Variants in CRHBP observed in about 807,000 individuals in gnomAD.
CRHBP encodes the protein corticotropin releasing hormone binding protein.
Under a neutral mutation model 34.9 loss-of-function variants are expected in CRHBP, and 19 were observed. The ratio of observed to expected loss-of-function variants is 0.55; its 90% confidence interval spans 0.38 to 0.80. The LOEUF is 0.80. Among genes scored for constraint, CRHBP ranks in the 30% least tolerant of loss-of-function variants. CRHBP has a pLI of 0.00. For missense variants in CRHBP, 328 were observed against 409.2 expected (o/e 0.80, Z 1.71); for synonymous variants, 154 against 153.4 (o/e 1.00, Z -0.03).
At chr5:76,955,261 A>G (rs1745650732) in intron 3 of CRHBP, among the ~76,000 whole-genome samples, 1 of 152,226 alleles carries the variant, frequency 6.6e-6, no homozygotes, top group Admixed American at 6.5e-5. Context: ...TTCACATTTC[A>G]ATGACTAGAG....
At chr5:76,975,842 A>ATATATATG (rs1176894871) in intron 2 of CRHBP, among the ~76,000 whole-genome samples, 7 of 100,566 alleles carry the variant, frequency 7.0e-5, no homozygotes, top group African/African-American at 3.7e-4. Flanking sequence ...ATATATATAT[A>ATATATATG]TATACACGCA....
At chr5:76,963,170 A>T in intron 5 of CRHBP, 173 bp from the exon 6 acceptor site, 1 of 579,790 alleles carries the variant, frequency 1.7e-6, no homozygotes, top group South Asian at 2.8e-5. Context: ...AATTTTTATG[A>T]TTTTTTCTCT....
chr5:76,973,511 G>T (rs993121301), downstream of CRHBP, among the ~76,000 whole-genome samples: 20 of 152,308 alleles, frequency 1.3e-4, no homozygotes, highest in African/African-American at 4.8e-4. Flanking sequence ...GATAACTCCT[G>T]CTATTGGATT....
intron 5 of CRHBP, among the ~76,000 whole-genome samples, chr5:76,960,190 G>T (rs1745754689): frequency 6.6e-6 from 1 of 152,212 alleles, no homozygotes; most frequent in African/African-American, 2.4e-5. Context: ...TGGATGGAGA[G>T]GCGCGGGGCT....
At chr5:76,954,836 A>G (rs77547936) in intron 3 of CRHBP, among the ~76,000 whole-genome samples, 5,153 of 152,322 alleles carry the variant, frequency 0.034, 291 homozygotes, top group African/African-American at 0.12. Flanking sequence ...ACAGGGCAGC[A>G]TGGGATGGCT....
At chr5:76,960,459 G>C (rs544221068) in intron 5 of CRHBP, among the ~76,000 whole-genome samples, 33 of 152,292 alleles carry the variant, frequency 2.2e-4, no homozygotes, top group Non-Finnish European at 4.1e-4. Context: ...GTAAACCACT[G>C]AAAGAGTTCA....
At chr5:76,975,825 A>AATATATATATATATATATATAT (rs1217039736) in intron 2 of CRHBP, among the ~76,000 whole-genome samples, 12 of 61,794 alleles carry the variant, frequency 1.9e-4, no homozygotes, top group East Asian at 5.2e-4. Flanking sequence ...AAAAAAAAAA[A>AATATATATATATATATATATAT]ATATATATAT....
chr5:76,975,766 T>C (rs1746014288), intron 2 of CRHBP, among the ~76,000 whole-genome samples: 2 of 128,108 alleles, frequency 1.6e-5, no homozygotes, highest in Non-Finnish European at 3.1e-5. Flanking sequence ...ATCACACCAC[T>C]GCACTCCAGC....
chr5:76,967,644 C>T (rs1335843794), intron 6 of CRHBP, among the ~76,000 whole-genome samples: 1 of 151,158 alleles, frequency 6.6e-6, no homozygotes, highest in Non-Finnish European at 1.5e-5. Flanking sequence ...CAATATATAA[C>T]CCATACAGAG....
In CRHBP at chr5:76,956,686, T is replaced by C. The variant is rs147064210; in HGVS notation, c.544+823T>C. Among the ~76,000 whole-genome samples, 878 of 150,806 alleles carry C rather than the reference T, an allele frequency of 5.8e-3. 9 individuals carry two copies. Among genetic ancestry groups the C allele is most frequent in the African/African-American group, 0.02 (832 of 40,908 alleles). ...TTGCAGTGAGCTGAGATCGCGCCAC[T>C]GCGCTCCAGCCGGGGTGACAAAGGG... is the stretch of plus-strand genomic sequence containing the variant. On this transcript the variant is annotated intron_variant, in intron 4 of 6. Transcript: ENST00000274368.
intron 6 of CRHBP, among the ~76,000 whole-genome samples, chr5:76,966,461 A>G (rs539027086): frequency 6.6e-6 from 1 of 152,220 alleles, no homozygotes; most frequent in Non-Finnish European, 1.5e-5. Flanking sequence ...TCCTTGTGAG[A>G]TGTGGTGGAA....
At chr5:76,976,582 G>A (rs1746038023) in intron 3 of CRHBP, 1 of 152,174 alleles carries the variant, frequency 6.6e-6, no homozygotes, top group Admixed American at 6.5e-5. Flanking sequence ...GCACTGCTCT[G>A]AGCAGCTTCG....
chr5:76,963,003 T>G (rs1745802604), intron 5 of CRHBP, among the ~76,000 whole-genome samples: 1 of 152,142 alleles, frequency 6.6e-6, no homozygotes, highest in South Asian at 2.1e-4. Context: ...TCCAAATGAT[T>G]TGAAAAGTAA....
At chr5:76,979,476 G>A (rs564319113) in intron 3 of CRHBP, among the ~76,000 whole-genome samples, 25 of 152,032 alleles carry the variant, frequency 1.6e-4, no homozygotes, top group Admixed American at 3.3e-4. Context: ...TCAGCCTCCC[G>A]AGTAGCTGGG....
At chr5:76,960,804 G>T (rs1031330017) in intron 5 of CRHBP, among the ~76,000 whole-genome samples, 1 of 150,752 alleles carries the variant, frequency 6.6e-6, no homozygotes, top group Non-Finnish European at 1.5e-5. Flanking sequence ...TCGCTCTGTC[G>T]CCCAGGCTGG....
At position 76,963,367 on chromosome 5, in the gene CRHBP, A is replaced by G. The variant is rs1489935170; in HGVS notation, c.718A>G (p.Ile240Val). ...LKKSSAGCEG[I>V]GDFVELLGGT... The stretch of plus-strand genomic sequence containing the variant: ...GAAATCCTCAGCAGGTTGCGAGGGA[A>G]TAGGAGACTTTGTGGAGCTGCTGGG... The change falls in exon 6 of 7, where the codon ATA becomes GTA. Residue 240 changes from isoleucine (I) to valine (V), a missense_variant. Physicochemically the swap from Ile to Val is conservative, Grantham distance 29. Around this residue, in one of 3 missense-constraint regions of CRHBP, gnomAD observed 144 missense variants for 216.7 expected, o/e 0.66. Transcript: ENST00000274368. The G allele has an allele frequency of 1.2e-6, 2 of 1,614,136 alleles. No individual in the cohort carries two copies. The highest frequency in any genetic ancestry group is 1.3e-5 in the African/African-American group (1 of 75,046).
Sources: gnomAD v4.1 joint callset for allele counts (sites outside exome capture counted in the v4.1 genomes callset) on GRCh38, gnomAD v4.1.1 for gene constraint, gnomAD v4.1.1 regional missense constraint, MANE v1.5 for transcripts, NCBI Gene and HGNC (gene_info 2026-07-23, HGNC 2026-07-21) for gene names.